Variants in CYP4F2 observed in about 807,000 individuals in gnomAD.
CYP4F2 encodes the protein cytochrome P450 family 4 subfamily F member 2, also known as cytochrome P450 4F2.
In CYP4F2, 58 loss-of-function variants were observed where a neutral mutation model predicts 58.9. The ratio of observed to expected loss-of-function variants is 0.98; its 90% CI spans 0.80 to 1.23. The LOEUF is 1.23. Ranked by LOEUF, CYP4F2 falls within the 50% of genes most tolerant of loss-of-function variation. The probability of loss-of-function intolerance (pLI) is 0.00; values close to 1 mark genes in which losing one functional copy is unlikely to be tolerated. For missense variants in CYP4F2, 616 were observed against 685.6 expected, an observed-to-expected ratio of 0.90 and a Z score of 1.13; for synonymous variants, 287 against 261.1, an observed-to-expected ratio of 1.10 and a Z score of -0.95.
chr19:15,888,171 CA>C (rs1568471846), intron 7 of CYP4F2, among the ~76,000 whole-genome samples: 1 of 151,896 alleles, frequency 6.6e-6, no homozygotes, highest in African/African-American at 2.4e-5. Context: ...CACACAAATA[CA>C]CATAAACAAA....
intron 9 of CYP4F2, 25 bp downstream of exon 9, chr19:15,885,899 A>G: frequency 6.2e-7 from 1 of 1,606,114 alleles, no homozygotes; most frequent in South Asian, 1.1e-5. Context: ...GGTCTCAGGA[A>G]GAGGCCACAA....
chr19:15,881,537 T>C (rs1198292893), intron 9 of CYP4F2, among the ~76,000 whole-genome samples: 2 of 151,224 alleles, frequency 1.3e-5, no homozygotes, highest in Non-Finnish European at 2.9e-5. Context: ...AGATAGTAGA[T>C]AGGTATATAG....
At chr19:15,895,714 G>T (rs1568474379) in intron 2 of CYP4F2, 64 bp from the exon 3 acceptor site, 1 of 1,539,686 alleles carries the variant, frequency 6.5e-7, no homozygotes, top group Non-Finnish European at 8.7e-7. Context: ...ACTTGACTGG[G>T]CTAAGGGATG....
In CYP4F2 at chr19:15,886,467, TG is replaced by T; in HGVS notation, c.919-160del. 3.4e-6 allele frequency: 3 copies of T among 891,734 alleles called. No individual in the cohort carries two copies. In the South Asian group the frequency reaches 5.0e-5, roughly 15 times the overall value. The allele number at this position is 891,734 out of a possible 1,614,324, so 55.2% of individuals were successfully genotyped here. On this transcript the variant is annotated intron_variant, in intron 7 of 12. Transcript: ENST00000221700. ...ACTCCTAGACCCCTCTTGGTCACCATGGCCAGAGCCCTCACCTCATGGCCTT... is the reference window on the plus strand; with the variant it reads ...ACTCCTAGACCCCTCTTGGTCACCATGCCAGAGCCCTCACCTCATGGCCTT...
At chr19:15,895,818 A>G (rs1355459882) in intron 2 of CYP4F2, among the ~76,000 whole-genome samples, 168 bp from the exon 3 acceptor site, 1 of 152,036 alleles carries the variant, frequency 6.6e-6, no homozygotes, top group Non-Finnish European at 1.5e-5. Context: ...CTGCCTACCC[A>G]TCTATCCATC....
At chr19:15,891,533 C>G (rs775870630) in intron 5 of CYP4F2, among the ~76,000 whole-genome samples, 1 of 152,170 alleles carries the variant, frequency 6.6e-6, no homozygotes, top group Non-Finnish European at 1.5e-5. Flanking sequence ...TATCCACACC[C>G]TTTGCAATGT....
chr19:15,879,553 C>G (rs1175183245), intron 11 of CYP4F2, 51 bp downstream of exon 11: 5 of 1,611,538 alleles, frequency 3.1e-6, no homozygotes, highest in African/African-American at 1.3e-5. Context: ...AACCCTGCCC[C>G]CTCCTCTAGG....
At chr19:15,888,672 AC>A (rs1164353483) in intron 7 of CYP4F2, among the ~76,000 whole-genome samples, 3 of 152,220 alleles carry the variant, frequency 2.0e-5, no homozygotes, top group Non-Finnish European at 4.4e-5. Context: ...ATACACATAA[AC>A]ATAGACATGA....
At chr19:15,893,838 G>A (rs765033545) in intron 3 of CYP4F2, 8 of 258,500 alleles carry the variant, frequency 3.1e-5, no homozygotes, top group Non-Finnish European at 5.7e-5. Flanking sequence ...AAAGGTGCAC[G>A]CCAGGCTTTG....
Position 15,882,548 on chromosome 19 carries a change from C to T in CYP4F2, c.1116-2651G>A, listed in dbSNP as rs62104890. On this transcript the variant is annotated intron_variant, in intron 9 of 12. Coordinates refer to ENST00000221700, the MANE Select transcript of CYP4F2 (RefSeq NM_001082.5). The stretch of plus-strand genomic sequence containing the variant: ...TTAATAATTTCAGGTTGTATACATA[C>T]ATCATAACATCACATTGTACCTCTA... Among the ~76,000 whole-genome samples, 180 of 121,282 alleles carry T rather than the reference C, an allele frequency of 1.5e-3. 2 individuals are homozygous for T. Among genetic ancestry groups the T allele is most frequent in the Non-Finnish European group, 2.1e-3 (121 of 56,982 alleles). 79.6% of individuals were successfully genotyped at this position (121,282 alleles called of 152,430 possible).
At chr19:15,893,290 C>T (rs963641129) in intron 3 of CYP4F2, among the ~76,000 whole-genome samples, 1 of 152,104 alleles carries the variant, frequency 6.6e-6, no homozygotes, top group Admixed American at 6.5e-5. Context: ...TCCCAGACCT[C>T]ACACAACCCC....
Position 15,886,046 on chromosome 19 carries a change from G to A in CYP4F2, c.993C>T (p.Asp331=), listed in dbSNP as rs957125287. ...EADTFMFEGH[D]TTASGLSWVL... ...CCCAGGAGAGACCACTGGCCGTGGT[G>A]TCATGGCCTGGGGGGCAGCAAGGCA... is the stretch of plus-strand genomic sequence containing the variant. Residue 331 remains aspartate, a synonymous_variant, in exon 9 of 13, where the codon GAC becomes GAT. Coordinates refer to ENST00000221700, the MANE Select transcript of CYP4F2 (RefSeq NM_001082.5). The A allele has an allele frequency of 6.2e-6, 10 of 1,613,630 alleles. No individual in the cohort carries two copies. The African/African-American group carries it at 8.0e-5, about 13-fold the overall frequency.
intron 3 of CYP4F2, among the ~76,000 whole-genome samples, chr19:15,894,079 C>T (rs967788132): frequency 6.6e-6 from 1 of 152,168 alleles, no homozygotes; most frequent in Non-Finnish European, 1.5e-5. Context: ...CAGAAAAGGT[C>T]TTTCCCCATG....
chr19:15,882,355 GGATAGAAGCTTCA>G (rs2089351216), intron 9 of CYP4F2, among the ~76,000 whole-genome samples: 1 of 152,104 alleles, frequency 6.6e-6, no homozygotes, highest in African/African-American at 2.4e-5. Context: ...GTTGGTCAAA[GGATAGAAGCTTCA>G]GTTAGACAAG....
intron 9 of CYP4F2, among the ~76,000 whole-genome samples, chr19:15,881,811 AAAAG>A (rs1275766521): frequency 6.6e-6 from 1 of 152,136 alleles, no homozygotes; most frequent in African/African-American, 2.4e-5. Context: ...TAAAAAAAAA[AAAAG>A]AAAGAAAACT....
rs760032697 is a variant in CYP4F2 at position 15,892,504 on chromosome 19, A to G, written c.397+25T>C. ...CCCTGGCCCCCCAACGTTTTTCCCA[A>G]CCCTGTTCACCTGCAGATACTCACC... On this transcript the variant is annotated intron_variant, in intron 4 of 12. Transcript: ENST00000221700. The G allele has an allele frequency of 2.5e-6, 4 of 1,613,658 alleles. No individual in the cohort carries two copies. In the African/African-American group the frequency reaches 4.0e-5, roughly 16 times the overall value.
At chr19:15,890,466 C>T (rs769750886) in intron 5 of CYP4F2, 33 bp from the exon 6 acceptor site, 2 of 1,612,134 alleles carry the variant, frequency 1.2e-6, no homozygotes, top group African/African-American at 1.3e-5. Context: ...CTGGGGCAGG[C>T]TCCTTGCTCC....
intron 9 of CYP4F2, among the ~76,000 whole-genome samples, chr19:15,883,933 C>T (rs555570499): frequency 2.4e-4 from 36 of 152,248 alleles, no homozygotes; most frequent in Middle Eastern, 6.8e-3. Context: ...GTGGTGTGCA[C>T]CCATAGTCCC....
intron 7 of CYP4F2, among the ~76,000 whole-genome samples, chr19:15,888,349 G>C (rs575836720): frequency 1.3e-5 from 2 of 151,108 alleles, no homozygotes; most frequent in African/African-American, 4.9e-5. Flanking sequence ...CATAGACATA[G>C]ACACAGACAC....
Sources: gnomAD v4.1 joint callset for allele counts (sites outside exome capture counted in the v4.1 genomes callset) on GRCh38, gnomAD v4.1.1 for gene constraint, MANE v1.5 for transcripts, NCBI Gene and HGNC (gene_info 2026-07-23, HGNC 2026-07-21) for gene names.